The following TMEM238L variants were observed in gnomAD, a reference collection of about 807,000 sequenced individuals.
The protein encoded by TMEM238L is transmembrane protein 238 like, also known as transmembrane protein 238-like.
At chr17:10,795,636 C>T (rs1267336758) in exon 2 of TMEM238L, 1 of 152,224 alleles carries the variant, frequency 6.6e-6, no homozygotes, top group Non-Finnish European at 1.5e-5. Context: ...ACAAGAAGAA[C>T]TACAGAGGAT....
At chr17:10,797,170 C>G (rs1904576657) in intron 1 of TMEM238L, among the ~76,000 whole-genome samples, 1 of 152,158 alleles carries the variant, frequency 6.6e-6, no homozygotes, top group Non-Finnish European at 1.5e-5. Context: ...TTCCATTATG[C>G]TGGGCAAGTT....
chr17:10,803,924 G>A (rs1078643), exon 1 of TMEM238L: 278,266 of 399,020 alleles, frequency 0.7, 100,635 homozygotes, highest in East Asian at 0.77. Context: ...AGCGCACAGC[G>A]CCCTGGATGG....
chr17:10,801,745 G>T (rs1336554645), intron 1 of TMEM238L, among the ~76,000 whole-genome samples: 1 of 151,322 alleles, frequency 6.6e-6, no homozygotes, highest in Non-Finnish European at 1.5e-5. Flanking sequence ...CTCACCTGAT[G>T]GTAAACTCCC....
intron 1 of TMEM238L, among the ~76,000 whole-genome samples, chr17:10,801,303 G>A (rs926705798): frequency 6.6e-6 from 1 of 152,148 alleles, no homozygotes. Flanking sequence ...CTCCCAAAGT[G>A]CTGGGATTAC....
chr17:10,801,937 A>G (rs1002024905), intron 1 of TMEM238L, among the ~76,000 whole-genome samples: 1 of 152,138 alleles, frequency 6.6e-6, no homozygotes, highest in Non-Finnish European at 1.5e-5. Context: ...GTGCATCACC[A>G]TGCGTGGCTA....
At chr17:10,796,842 T>C (rs933764315) in intron 1 of TMEM238L, among the ~76,000 whole-genome samples, 3 of 152,242 alleles carry the variant, frequency 2.0e-5, no homozygotes, top group Non-Finnish European at 2.9e-5. Flanking sequence ...ACTTGGCTCC[T>C]ATAGGAAACA....
chr17:10,799,682 G>A (rs944391723), intron 1 of TMEM238L, among the ~76,000 whole-genome samples: 2 of 152,254 alleles, frequency 1.3e-5, no homozygotes, highest in Admixed American at 6.5e-5. Flanking sequence ...AAGGTCGTAG[G>A]CTGTAGGGGA....
At chr17:10,800,803 G>T (rs888934761) in intron 1 of TMEM238L, among the ~76,000 whole-genome samples, 2 of 152,136 alleles carry the variant, frequency 1.3e-5, no homozygotes, top group Non-Finnish European at 2.9e-5. Flanking sequence ...TCTAGGTATG[G>T]CCCATGCTCT....
chr17:10,795,825 A>T (rs1238789166), exon 2 of TMEM238L: 1 of 152,248 alleles, frequency 6.6e-6, no homozygotes, highest in Non-Finnish European at 1.5e-5. Flanking sequence ...CCATTCTCGG[A>T]CATCCTCGTG....
chr17:10,801,649 G>A (rs1904749920), intron 1 of TMEM238L, among the ~76,000 whole-genome samples: 1 of 152,092 alleles, frequency 6.6e-6, no homozygotes, highest in African/African-American at 2.4e-5. Context: ...TATTCTTGTG[G>A]CAGGATGCTC....
intron 1 of TMEM238L, among the ~76,000 whole-genome samples, chr17:10,797,480 CAT>C (rs1468286494): frequency 6.8e-6 from 1 of 146,836 alleles, no homozygotes; most frequent in Non-Finnish European, 1.5e-5. Flanking sequence ...ATCTCATCCA[CAT>C]GTCTCTAACC....
chr17:10,800,779 G>A (rs1904713551), intron 1 of TMEM238L, among the ~76,000 whole-genome samples: 1 of 152,172 alleles, frequency 6.6e-6, no homozygotes, highest in African/African-American at 2.4e-5. Flanking sequence ...AATAAAACTG[G>A]ATTCAAGCCA....
chr17:10,799,962 G>C (rs1175740222), intron 1 of TMEM238L, among the ~76,000 whole-genome samples: 3 of 148,678 alleles, frequency 2.0e-5, no homozygotes, highest in East Asian at 2.0e-4. Flanking sequence ...GACGGAGTCT[G>C]GCTCTGTCGC....
intron 1 of TMEM238L, among the ~76,000 whole-genome samples, chr17:10,796,254 TC>T (rs1330545970): frequency 6.6e-6 from 1 of 152,222 alleles, no homozygotes; most frequent in Non-Finnish European, 1.5e-5. Context: ...TAGTTTCCTC[TC>T]CTTACCCTTC....
At chr17:10,797,102 G>C (rs1904573523) in intron 1 of TMEM238L, among the ~76,000 whole-genome samples, 1 of 152,198 alleles carries the variant, frequency 6.6e-6, no homozygotes, top group African/African-American at 2.4e-5. Flanking sequence ...TATGGAAAGA[G>C]CATAAACCAC....
At chr17:10,799,066 C>G (rs925657684) in intron 1 of TMEM238L, among the ~76,000 whole-genome samples, 2 of 152,350 alleles carry the variant, frequency 1.3e-5, no homozygotes, top group Middle Eastern at 3.4e-3. Context: ...ACCCTGCCCT[C>G]TCTCTGGAGA....
chr17:10,800,616 T>G (rs1904708215), intron 1 of TMEM238L, among the ~76,000 whole-genome samples: 1 of 152,214 alleles, frequency 6.6e-6, no homozygotes, highest in Admixed American at 6.5e-5. Flanking sequence ...TAGTCATCAC[T>G]TGCATAGTGC....
chr17:10,802,197 G>GT (rs1904765862), intron 1 of TMEM238L, among the ~76,000 whole-genome samples: 1 of 152,164 alleles, frequency 6.6e-6, no homozygotes, highest in African/African-American at 2.4e-5. Context: ...CAAAGTGTGA[G>GT]TTGACCCCCA....
intron 1 of TMEM238L, chr17:10,802,611 T>A (rs1904780649): frequency 6.6e-6 from 1 of 152,654 alleles, no homozygotes; most frequent in Non-Finnish European, 1.5e-5. Context: ...CAATTATTAT[T>A]TCCTTCTTTC....
Sources: gnomAD v4.1 joint callset for allele counts (sites outside exome capture counted in the v4.1 genomes callset) on GRCh38, gnomAD v4.1.1 for gene constraint, MANE v1.5 for transcripts, NCBI Gene and HGNC (gene_info 2026-07-23, HGNC 2026-07-21) for gene names.